Variants in PDLIM5 observed in about 807,000 individuals in gnomAD.
PDLIM5 encodes PDZ and LIM domain 5, also known as PDZ and LIM domain protein 5.
A neutral mutation model predicts 64.2 loss-of-function variants in PDLIM5; 34 were observed. The ratio of observed to expected loss-of-function variants is 0.53; its 90% CI spans 0.40 to 0.71. PDLIM5 has a LOEUF of 0.71. Ranked by LOEUF, PDLIM5 falls within the 30% of genes least tolerant of loss-of-function variation. The pLI is 0.00. For missense variants in PDLIM5, 683 were observed against 733.6 expected (o/e 0.93, Z 0.80); for synonymous variants, 253 against 269.1 (o/e 0.94, Z 0.59).
At chr4:94,577,466 G>GATATATATAT in intron 5 of PDLIM5, 1 of 367,732 alleles carries the variant, frequency 2.7e-6, no homozygotes, top group Non-Finnish European at 5.4e-6. Context: ...CTAAAGTTCT[G>GATATATATAT]ATATATATAT....
chr4:94,473,347 C>T (rs1272370237), intron 2 of PDLIM5, among the ~76,000 whole-genome samples: 1 of 152,126 alleles, frequency 6.6e-6, no homozygotes, highest in African/African-American at 2.4e-5. Flanking sequence ...CTGCAACCTC[C>T]ACCTCCCGGG....
Position 94,585,550 on chromosome 4 carries a change from T to C in PDLIM5, c.711-15T>C, listed in dbSNP as rs76975374. The C allele has an allele frequency of 4.7e-6, 7 of 1,479,006 alleles. No individual in the cohort carries two copies. In the Admixed American group the frequency reaches 8.7e-5, roughly 18 times the overall value. 91.6% of individuals were successfully genotyped at this position (1,479,006 alleles called of 1,614,324 possible). On this transcript the variant is annotated splice_polypyrimidine_tract_variant and intron_variant, in intron 5 of 12. Transcript: ENST00000317968. ...ACTTTACAATTTTTAATTTTTTTTT[T>C]CTCCTTAACCCTAGCCCACCAAGAA...
chr4:94,479,692 A>G (rs1725685541), intron 2 of PDLIM5, among the ~76,000 whole-genome samples: 1 of 152,186 alleles, frequency 6.6e-6, no homozygotes, highest in African/African-American at 2.4e-5. Context: ...AACCATTCTT[A>G]GATTATTCCA....
chr4:94,549,773 C>T (rs1179766705), intron 3 of PDLIM5: 2 of 152,146 alleles, frequency 1.3e-5, no homozygotes, highest in Non-Finnish European at 1.5e-5. Flanking sequence ...CTTCCTGGCT[C>T]TACTGGCTTA....
At chr4:94,556,148 A>C (rs1163313853) in intron 3 of PDLIM5, among the ~76,000 whole-genome samples, 1 of 151,104 alleles carries the variant, frequency 6.6e-6, no homozygotes, top group Non-Finnish European at 1.5e-5. Flanking sequence ...GAGTGAGAAC[A>C]TGCAGTGTTT....
At chr4:94,619,479 A>G (rs1464759916) in intron 8 of PDLIM5, among the ~76,000 whole-genome samples, 1 of 151,992 alleles carries the variant, frequency 6.6e-6, no homozygotes, top group Non-Finnish European at 1.5e-5. Context: ...TCTCTACTAA[A>G]AACACAAAAA....
Position 94,468,597 on chromosome 4 carries a change from A to T in PDLIM5, c.96+13213A>T, listed in dbSNP as rs189067228. Among the ~76,000 whole-genome samples, 376 of 152,258 alleles carry T rather than the reference A, an allele frequency of 2.5e-3. 1 individual carries two copies. Among genetic ancestry groups the T allele is most frequent in the Non-Finnish European group, 4.7e-3 (319 of 68,020 alleles). On this transcript the variant is annotated intron_variant, in intron 2 of 12. Coordinates refer to ENST00000317968, the MANE Select transcript of PDLIM5 (RefSeq NM_006457.5). ...GATTAGGAGAGCCTAAGAGAAGCAG[A>T]TGTTTTTGTTTGTTTTGTTTTTAGG...
intron 4 of PDLIM5, among the ~76,000 whole-genome samples, chr4:94,574,393 G>A (rs1193101295): frequency 6.6e-6 from 1 of 151,542 alleles, no homozygotes; most frequent in Non-Finnish European, 1.5e-5. Context: ...AGCTAGCCAG[G>A]AGGCTGAGGT....
At chr4:94,452,344 G>T (rs1722929633) in intron 1 of PDLIM5, among the ~76,000 whole-genome samples, 1 of 152,130 alleles carries the variant, frequency 6.6e-6, no homozygotes, top group Admixed American at 6.5e-5. Context: ...GGGCACTGCC[G>T]CTCCCACCCA....
intron 2 of PDLIM5, among the ~76,000 whole-genome samples, chr4:94,504,648 G>C (rs536320224): frequency 1.3e-5 from 2 of 152,266 alleles, no homozygotes; most frequent in African/African-American, 4.8e-5. Flanking sequence ...TGGTGCTCTT[G>C]TGTCTGGTCA....
chr4:94,592,786 C>T (rs1038011379), intron 7 of PDLIM5, among the ~76,000 whole-genome samples: 4 of 152,088 alleles, frequency 2.6e-5, no homozygotes, highest in African/African-American at 4.8e-5. Context: ...ACCACCACAC[C>T]TGGCTAATTT....
At chr4:94,500,233 TAACTC>T (rs1336452643) in intron 2 of PDLIM5, among the ~76,000 whole-genome samples, 1 of 152,242 alleles carries the variant, frequency 6.6e-6, no homozygotes, top group African/African-American at 2.4e-5. Context: ...TGTACTTTGA[TAACTC>T]AAAGTATAAT....
At chr4:94,598,485 G>T (rs928556441) in intron 7 of PDLIM5, among the ~76,000 whole-genome samples, 1 of 152,062 alleles carries the variant, frequency 6.6e-6, no homozygotes, top group Non-Finnish European at 1.5e-5. Flanking sequence ...CGATAATCTG[G>T]GCTGGTTCTT....
At position 94,632,525 on chromosome 4, in the gene PDLIM5, A is replaced by G. The variant is rs145266787; in HGVS notation, c.1109-7751A>G. Reference sequence around the variant, plus strand: ...TAAATTAGAAACAAAGAAAAAAATTACTGTGTTGGGAGATGTGTGGTAGGG... The same window carrying G: ...TAAATTAGAAACAAAGAAAAAAATTGCTGTGTTGGGAGATGTGTGGTAGGG... On this transcript the variant is annotated intron_variant, in intron 8 of 12. Transcript: ENST00000317968. Among the ~76,000 whole-genome samples the G allele has an allele frequency of 3.5e-4, 54 of 152,304 alleles. No individual in the cohort carries two copies. The South Asian group carries it at 4.1e-3, about 12-fold the overall frequency.
At chr4:94,574,268 C>T (rs1735057810) in intron 4 of PDLIM5, among the ~76,000 whole-genome samples, 2 of 152,106 alleles carry the variant, frequency 1.3e-5, no homozygotes, top group Admixed American at 1.3e-4. Context: ...GAGGCCGAGG[C>T]AGGCGGATCA....
At chr4:94,626,495 C>T (rs543140659) in intron 8 of PDLIM5, among the ~76,000 whole-genome samples, 5 of 152,190 alleles carry the variant, frequency 3.3e-5, no homozygotes, top group African/African-American at 7.2e-5. Flanking sequence ...TATCAGTGAA[C>T]GTATTTAAGG....
intron 3 of PDLIM5, among the ~76,000 whole-genome samples, chr4:94,556,938 T>C (rs183425076): frequency 1.3e-5 from 2 of 152,226 alleles, no homozygotes. Context: ...TTTTGGCTTT[T>C]GTTGCCATTG....
At chr4:94,474,801 C>T (rs1725180616) in intron 2 of PDLIM5, among the ~76,000 whole-genome samples, 1 of 152,118 alleles carries the variant, frequency 6.6e-6, no homozygotes, top group African/African-American at 2.4e-5. Flanking sequence ...AGGCACATGC[C>T]ACCATGCACA....
Position 94,667,268 on chromosome 4 carries a change from C to T in PDLIM5, c.*3201C>T, listed in dbSNP as rs953756211. 6.6e-6 allele frequency: 1 copy of T among 152,162 alleles called. No homozygotes were observed. Among genetic ancestry groups the T allele is most frequent in the Non-Finnish European group, 1.5e-5 (1 of 68,044 alleles). The allele number at this position is 152,162 out of a possible 1,614,324, so 9.4% of individuals were successfully genotyped here. ...GTCTGAATGTTGCCTGCTGAAGTAG[C>T]AACCTAAAAAGTATCCCCTGCTTAT... is the stretch of plus-strand genomic sequence containing the variant. On this transcript the variant is annotated 3_prime_UTR_variant, in exon 13 of 13. Coordinates refer to ENST00000317968, the MANE Select transcript of PDLIM5 (RefSeq NM_006457.5).
Sources: gnomAD v4.1 joint callset for allele counts (sites outside exome capture counted in the v4.1 genomes callset) on GRCh38, gnomAD v4.1.1 for gene constraint, MANE v1.5 for transcripts, NCBI Gene and HGNC (gene_info 2026-07-23, HGNC 2026-07-21) for gene names.